The following POGLUT2 variants were observed in gnomAD, a reference collection of about 807,000 sequenced individuals.
POGLUT2 encodes protein O-glucosyltransferase 2.
In POGLUT2, 47 loss-of-function variants were observed where a neutral mutation model predicts 57.6. That is an observed-to-expected ratio of 0.82 (90% CI 0.65 to 1.04). POGLUT2 has a LOEUF of 1.04. Ranked by LOEUF, POGLUT2 falls within the 50% of genes least tolerant of loss-of-function variation. The pLI is 0.00. For synonymous variants in POGLUT2, 200 were observed against 218.8 expected (o/e 0.91, Z 0.76); for missense variants, 565 against 614.8 (o/e 0.92, Z 0.86).
chr13:102,785,705 G>A (rs1411480256), intron 9 of POGLUT2, among the ~76,000 whole-genome samples: 1 of 152,088 alleles, frequency 6.6e-6, no homozygotes, highest in African/African-American at 2.4e-5. Context: ...GGCATTTACT[G>A]GATGACTTCT....
intron 4 of POGLUT2, 121 bp from the exon 5 acceptor site, chr13:102,791,551 A>G: frequency 1.1e-6 from 1 of 939,332 alleles, no homozygotes; most frequent in South Asian, 1.7e-5. Context: ...TCAGGTAATA[A>G]TAATTACCTT....
chr13:102,789,817 C>T (rs551193231), intron 6 of POGLUT2, among the ~76,000 whole-genome samples: 3 of 152,248 alleles, frequency 2.0e-5, no homozygotes, highest in African/African-American at 4.8e-5. Flanking sequence ...AGGCTGGTCT[C>T]GAACCCTGGA....
chr13:102,796,753 ATATAT>A, intron 2 of POGLUT2, 46 bp downstream of exon 2: 2 of 868,238 alleles, frequency 2.3e-6, no homozygotes. Context: ...ATGGAATAAC[ATATAT>A]TATTTTATTC....
At chr13:102,796,714 ATATATATC>A in intron 2 of POGLUT2, 82 bp downstream of exon 2, 1 of 398,398 alleles carries the variant, frequency 2.5e-6, no homozygotes. Flanking sequence ...ATATATATAT[ATATATATC>A]ATGCCAAGTT....
At chr13:102,786,141 C>T (rs1877930643) in intron 9 of POGLUT2, 91 bp downstream of exon 9, 1 of 796,524 alleles carries the variant, frequency 1.3e-6, no homozygotes, top group Non-Finnish European at 2.2e-6. Context: ...CAAATATTTG[C>T]TGCCTGATTG....
At chr13:102,787,049 T>C (rs1193756697) in intron 8 of POGLUT2, among the ~76,000 whole-genome samples, 1 of 151,800 alleles carries the variant, frequency 6.6e-6, no homozygotes, top group Non-Finnish European at 1.5e-5. Context: ...TTTTTTTTTG[T>C]TTGTTTATTT....
chr13:102,792,895 C>T (rs973883880), intron 4 of POGLUT2, among the ~76,000 whole-genome samples: 16 of 152,240 alleles, frequency 1.1e-4, no homozygotes, highest in African/African-American at 3.4e-4. Context: ...TAGGTTCAAG[C>T]GATCTTCCTG....
At chr13:102,798,139 T>G (rs1406674534) in intron 1 of POGLUT2, among the ~76,000 whole-genome samples, 1 of 152,202 alleles carries the variant, frequency 6.6e-6, no homozygotes, top group African/African-American at 2.4e-5. Context: ...CAGAGAAAGA[T>G]GAAGCCCATC....
intron 5 of POGLUT2, 56 bp downstream of exon 5, chr13:102,791,202 G>T (rs1305293484): frequency 6.2e-7 from 1 of 1,603,864 alleles, no homozygotes; most frequent in African/African-American, 1.3e-5. Context: ...TGTTGCAAAA[G>T]AACTCACCAA....
intron 1 of POGLUT2, among the ~76,000 whole-genome samples, chr13:102,798,175 C>T (rs963279879): frequency 1.3e-5 from 2 of 152,132 alleles, no homozygotes; most frequent in African/African-American, 2.4e-5. Context: ...AGGTTTAAAT[C>T]CCTTATAATA....
chr13:102,793,815 A>G lies in POGLUT2; in HGVS notation c.389-9T>C, dbSNP rs906728953. On this transcript the variant is annotated splice_polypyrimidine_tract_variant and intron_variant, in intron 2 of 9. Coordinates refer to ENST00000376004, the MANE Select transcript of POGLUT2 (RefSeq NM_024089.3). ...CTCATGGTAAACCGGCCCTATTTAC[A>G]TAAGAATAACAAAGTACAACAGTGA... The G allele has an allele frequency of 2.5e-6, 4 of 1,610,932 alleles. No individual in the cohort carries two copies. The highest frequency in any genetic ancestry group is 3.3e-5 in the Admixed American group (2 of 60,026).
chr13:102,792,137 C>T (rs532122607), intron 4 of POGLUT2: 4 of 1,224,210 alleles, frequency 3.3e-6, no homozygotes, highest in Non-Finnish European at 4.2e-6. Flanking sequence ...ATATAACTAC[C>T]TACATTCAGA....
intron 1 of POGLUT2, among the ~76,000 whole-genome samples, chr13:102,797,779 A>G (rs527607555): frequency 5.3e-5 from 8 of 152,244 alleles, no homozygotes; most frequent in Middle Eastern, 3.4e-3. Context: ...GGGCAAAAGC[A>G]AAGTAGTAGG....
rs1480253480 is a variant in POGLUT2 at position 102,784,333 on chromosome 13, G to A, written c.*162C>T. 3.7e-6 allele frequency: 2 copies of A among 535,050 alleles called. No homozygotes were observed. The highest frequency in any genetic ancestry group is 3.9e-5 in the African/African-American group (2 of 50,936). 33.1% of individuals were successfully genotyped at this position (535,050 alleles called of 1,614,324 possible). A position where few individuals can be genotyped will look rare whatever the true frequency, so the allele number is the denominator to read the frequency against. On this transcript the variant is annotated 3_prime_UTR_variant, in exon 10 of 10. Transcript: ENST00000376004. ...TAAAATTCTAAAAATGTACTTTAAA[G>A]TACAGTCATGAGAATACTGCATAAG...
At chr13:102,788,965 A>C (rs781390959) in intron 7 of POGLUT2, 47 bp downstream of exon 7, 9 of 1,448,512 alleles carry the variant, frequency 6.2e-6, no homozygotes, top group Non-Finnish European at 8.7e-6. Context: ...AGGACCCATG[A>C]TATTGGGAAA....
At chr13:102,787,056 A>G (rs1031218588) in intron 8 of POGLUT2, among the ~76,000 whole-genome samples, 2 of 146,166 alleles carry the variant, frequency 1.4e-5, no homozygotes, top group Non-Finnish European at 3.0e-5. Context: ...TTGTTTGTTT[A>G]TTTTTTTGAG....
At chr13:102,793,124 T>C in intron 4 of POGLUT2, 2 of 484,596 alleles carry the variant, frequency 4.1e-6, no homozygotes, top group Non-Finnish European at 3.7e-6. Flanking sequence ...AGAGAATACA[T>C]TTCTGTTATT....
rs1440326733 is a variant in POGLUT2 at position 102,798,473 on chromosome 13, C to A, written c.182+16G>T. On this transcript the variant is annotated intron_variant, in intron 1 of 9. Transcript: ENST00000376004. ...ACCGCCATCCAAAATAGGTAAGGAG[C>A]CGTTTCTCGACTTACTTATTCCCTG... The A allele has an allele frequency of 6.5e-7, 1 of 1,529,450 alleles. No homozygotes were observed. The highest frequency in any genetic ancestry group is 2.5e-5 in the East Asian group (1 of 40,504). The allele number at this position is 1,529,450 out of a possible 1,614,324, so 94.7% of individuals were successfully genotyped here.
In POGLUT2 at chr13:102,793,331, A is replaced by G; in HGVS notation, c.672+10T>C. 3 of 1,422,860 alleles carry G rather than the reference A, an allele frequency of 2.1e-6. No homozygotes were observed. Among genetic ancestry groups the G allele is most frequent in the Non-Finnish European group, 3.0e-6 (3 of 1,014,298 alleles). 88.1% of individuals were successfully genotyped at this position (1,422,860 alleles called of 1,614,324 possible). On this transcript the variant is annotated intron_variant, in intron 4 of 9. Coordinates refer to ENST00000376004, the MANE Select transcript of POGLUT2 (RefSeq NM_024089.3). ...TTATCTATTACAGCTAAGAGAAAAT[A>G]TATACTTACCTTTCTAGTCAAAGAA...
Sources: allele counts gnomAD v4.1 joint callset (sites outside exome capture counted in the v4.1 genomes callset), GRCh38; gene constraint gnomAD v4.1.1; transcripts MANE v1.5; gene names NCBI Gene and HGNC (gene_info 2026-07-23, HGNC 2026-07-21).